CNNM2: variants seen among roughly 807,000 people sequenced by gnomAD.
CNNM2 encodes the protein metal transporter CNNM2.
Under a neutral mutation model 66.9 loss-of-function variants are expected in CNNM2, and 12 were observed. That is an observed-to-expected ratio of 0.18 (90% CI 0.11 to 0.29). The LOEUF is 0.29. CNNM2 is among the 10% of genes least tolerant of loss of function. The pLI is 1.00. For missense variants in CNNM2, 705 were observed against 1,167.7 expected, an observed-to-expected ratio of 0.60 and a Z score of 5.77; for synonymous variants, 557 against 501.8, an observed-to-expected ratio of 1.11 and a Z score of -1.47.
chr10:102,947,718 T>A (rs1846668974), intron 1 of CNNM2, among the ~76,000 whole-genome samples: 1 of 151,776 alleles, frequency 6.6e-6, no homozygotes, highest in Non-Finnish European at 1.5e-5. Context: ...GCCACTGCAC[T>A]CCATCCAGCC....
At chr10:103,020,071 A>C (rs992356706) in intron 1 of CNNM2, among the ~76,000 whole-genome samples, 1 of 151,086 alleles carries the variant, frequency 6.6e-6, no homozygotes, top group South Asian at 2.1e-4. Flanking sequence ...AGTGAGTTCA[A>C]CTCTTTCATA....
intron 1 of CNNM2, among the ~76,000 whole-genome samples, chr10:102,985,455 C>T (rs1222941497): frequency 1.3e-5 from 2 of 152,142 alleles, no homozygotes; most frequent in Non-Finnish European, 2.9e-5. Context: ...CAAGCTCCTC[C>T]TCATCAAAGC....
intron 1 of CNNM2, among the ~76,000 whole-genome samples, chr10:102,979,903 CTCTT>C (rs750898197): frequency 4.6e-5 from 7 of 151,550 alleles, no homozygotes; most frequent in Non-Finnish European, 7.4e-5. Flanking sequence ...TCTCTTCCAT[CTCTT>C]TCTTTTCTTT....
At chr10:102,984,614 T>C (rs2063767308) in intron 1 of CNNM2, among the ~76,000 whole-genome samples, 1 of 152,214 alleles carries the variant, frequency 6.6e-6, no homozygotes, top group African/African-American at 2.4e-5. Flanking sequence ...TATTTGACAA[T>C]CTAAGCCTAG....
At chr10:103,075,954 G>C in intron 6 of CNNM2, 132 bp from the exon 7 acceptor site, 1 of 819,318 alleles carries the variant, frequency 1.2e-6, no homozygotes, top group Non-Finnish European at 1.9e-6. Flanking sequence ...CTGGCATACT[G>C]TGCGGCCGAG....
At chr10:103,022,616 A>C (rs1262541857) in intron 1 of CNNM2, among the ~76,000 whole-genome samples, 1 of 152,216 alleles carries the variant, frequency 6.6e-6, no homozygotes, top group Non-Finnish European at 1.5e-5. Context: ...GCTGGCTGTT[A>C]AACTTTTATC....
At position 103,028,280 on chromosome 10, in the gene CNNM2, C is replaced by T. The variant is rs186004642; in HGVS notation, c.1622-21427C>T. On this transcript the variant is annotated intron_variant, in intron 1 of 7. Coordinates refer to ENST00000369878, the MANE Select transcript of CNNM2 (RefSeq NM_017649.5). Reference sequence around the variant, plus strand: ...TGAATGTTGAGTTCTTTTGGCCATTCATTCGCTCATTTATTCATCTAGTCA... The same window carrying T: ...TGAATGTTGAGTTCTTTTGGCCATTTATTCGCTCATTTATTCATCTAGTCA... 3.3e-5 allele frequency among the ~76,000 whole-genome samples: 5 copies of T among 152,304 alleles called. No individual in the cohort carries two copies. The East Asian group carries it at 9.6e-4, about 29-fold the overall frequency.
chr10:102,988,444 A>G (rs1319391743), intron 1 of CNNM2, among the ~76,000 whole-genome samples: 1 of 152,204 alleles, frequency 6.6e-6, no homozygotes, highest in Non-Finnish European at 1.5e-5. Flanking sequence ...CAGATACTAC[A>G]AAAGTGCTTT....
At chr10:102,982,891 G>A (rs2063739290) in intron 1 of CNNM2, among the ~76,000 whole-genome samples, 2 of 152,124 alleles carry the variant, frequency 1.3e-5, no homozygotes, top group South Asian at 2.1e-4. Flanking sequence ...ATCTTGGAAT[G>A]TATGGAAAAT....
intron 3 of CNNM2, among the ~76,000 whole-genome samples, chr10:103,055,106 G>A (rs932440752): frequency 3.3e-5 from 5 of 152,136 alleles, no homozygotes; most frequent in Admixed American, 2.0e-4. Flanking sequence ...CAACCCAGCC[G>A]GCACTGACTG....
At chr10:102,972,590 C>T (rs939362592) in intron 1 of CNNM2, among the ~76,000 whole-genome samples, 34 of 152,262 alleles carry the variant, frequency 2.2e-4, no homozygotes, top group African/African-American at 7.0e-4. Context: ...GAGCTGAGAT[C>T]GCGCCTCTGC....
chr10:103,063,150 A>G (rs1032406713), intron 4 of CNNM2, among the ~76,000 whole-genome samples: 2 of 152,236 alleles, frequency 1.3e-5, no homozygotes, highest in Non-Finnish European at 2.9e-5. Flanking sequence ...AATTTTGACC[A>G]TCAATATTTA....
chr10:102,965,568 A>G (rs2063449529), intron 1 of CNNM2, among the ~76,000 whole-genome samples: 1 of 152,236 alleles, frequency 6.6e-6, no homozygotes, highest in African/African-American at 2.4e-5. Context: ...GATTGCCAGT[A>G]GATGGCTTTT....
At chr10:103,069,057 C>T (rs940320276) in intron 5 of CNNM2, among the ~76,000 whole-genome samples, 1 of 152,176 alleles carries the variant, frequency 6.6e-6, no homozygotes, top group Admixed American at 6.5e-5. Flanking sequence ...TGCTTTTGAA[C>T]TTTGCATAAA....
chr10:103,049,187 A>C (rs1029660452), intron 1 of CNNM2, among the ~76,000 whole-genome samples: 1 of 152,106 alleles, frequency 6.6e-6, no homozygotes. Flanking sequence ...CCTTTACTGC[A>C]TGTGTGTTGT....
In CNNM2 at chr10:103,038,241, T is replaced by C. The variant is rs141242807; in HGVS notation, c.1622-11466T>C. Among the ~76,000 whole-genome samples the C allele has an allele frequency of 2.0e-5, 3 of 152,286 alleles. No individual in the cohort carries two copies. In the East Asian group the frequency reaches 5.8e-4, roughly 29 times the overall value. ...AATCTCCATTGATAAAACTGTAAAA[T>C]CTGAGAACCACCTAGATTAGTTTTT... On this transcript the variant is annotated intron_variant, in intron 1 of 7. Transcript: ENST00000369878.
rs566319357 is a variant in CNNM2, at chr10:103,084,544, T to C, written c.*7364T>C. 4 of 152,298 alleles carry C rather than the reference T, an allele frequency of 2.6e-5. No individual in the cohort carries two copies. In the East Asian group the frequency reaches 5.8e-4, roughly 22 times the overall value. The allele number at this position is 152,298 out of a possible 1,614,324, so 9.4% of individuals were successfully genotyped here. ...TCCCAGCCTCCTGCCTTGGTTTGTT[T>C]TTCCTGTTTTACTCACTTGGTCTAG... On this transcript the variant is annotated 3_prime_UTR_variant, in exon 8 of 8. Transcript: ENST00000369878.
chr10:103,006,273 C>G (rs1307534952), intron 1 of CNNM2, among the ~76,000 whole-genome samples: 1 of 151,030 alleles, frequency 6.6e-6, no homozygotes, highest in Non-Finnish European at 1.5e-5. Context: ...GTGTCTGGAT[C>G]TTGGCTCACT....
chr10:103,075,106 T>A (rs2065666822), intron 6 of CNNM2, among the ~76,000 whole-genome samples: 1 of 152,134 alleles, frequency 6.6e-6, no homozygotes, highest in East Asian at 1.9e-4. Context: ...ATGGGCACAA[T>A]GACAAACTTT....
Sources: gnomAD v4.1 joint callset for allele counts (sites outside exome capture counted in the v4.1 genomes callset) on GRCh38, gnomAD v4.1.1 for gene constraint, MANE v1.5 for transcripts, NCBI Gene and HGNC (gene_info 2026-07-23, HGNC 2026-07-21) for gene names.